The following PTPRN2 variants were observed in gnomAD, a reference collection of about 807,000 sequenced individuals.
PTPRN2 encodes protein tyrosine phosphatase receptor type N2, also known as receptor-type tyrosine-protein phosphatase N2.
A neutral mutation model predicts 118.8 loss-of-function variants in PTPRN2; 74 were observed. That is an observed-to-expected ratio of 0.62 (90% confidence interval 0.52 to 0.76). PTPRN2 has a LOEUF of 0.76. Among genes scored for constraint, PTPRN2 ranks in the 30% least tolerant of loss-of-function variants. The probability of loss-of-function intolerance (pLI) is 0.00; values close to 1 mark genes in which losing one functional copy is unlikely to be tolerated. For synonymous variants in PTPRN2, 641 were observed against 608.0 expected (o/e 1.05, Z -0.80); for missense variants, 1,481 against 1,394.4 (o/e 1.06, Z -0.99).
chr7:158,166,153 C>G (rs1413872029), intron 6 of PTPRN2, among the ~76,000 whole-genome samples: 1 of 148,504 alleles, frequency 6.7e-6, no homozygotes, highest in African/African-American at 2.6e-5. Flanking sequence ...CCATCAGCTT[C>G]AGCAGTAGAA....
intron 11 of PTPRN2, among the ~76,000 whole-genome samples, chr7:157,920,413 A>C (rs1025804848): frequency 1.3e-5 from 2 of 152,198 alleles, no homozygotes; most frequent in Non-Finnish European, 2.9e-5. Context: ...GTTTACAAGG[A>C]CACGCTTGGC....
intron 2 of PTPRN2, among the ~76,000 whole-genome samples, chr7:158,400,654 G>T (rs1035680652): frequency 2.0e-5 from 3 of 152,154 alleles, no homozygotes; most frequent in African/African-American, 7.2e-5. Context: ...CCCTCTTGCA[G>T]GTCCCAAGGC....
chr7:158,493,995 G>A (rs986656273), intron 1 of PTPRN2, among the ~76,000 whole-genome samples: 1 of 152,246 alleles, frequency 6.6e-6, no homozygotes, highest in African/African-American at 2.4e-5. Context: ...ACTCTAAGCA[G>A]TATCTTGTCA....
At position 157,831,700 on chromosome 7, in the gene PTPRN2, G is replaced by A. The variant is rs978443709; in HGVS notation, c.1788+66973C>T. ...CTGAGCTCCCCTCTACTTCGGGCCT[G>A]CGAGAAGCAGGGAAGGTATAGGCTG... On this transcript the variant is annotated intron_variant, in intron 12 of 22. Transcript: ENST00000389418. The surrounding 1 kb of genome is among the most constrained non-coding windows in gnomAD (Gnocchi z 4.8). 6.6e-6 allele frequency among the ~76,000 whole-genome samples: 1 copy of A among 152,200 alleles called. No homozygotes were observed. Among genetic ancestry groups the A allele is most frequent in the Non-Finnish European group, 1.5e-5 (1 of 68,040 alleles).
chr7:157,838,348 C>A (rs531142209), intron 12 of PTPRN2, among the ~76,000 whole-genome samples: 1 of 149,682 alleles, frequency 6.7e-6, no homozygotes, highest in Non-Finnish European at 1.5e-5. Context: ...CAGTTCCTCT[C>A]GTAGTGGATG....
rs1321979661 is a variant in PTPRN2, at chr7:158,336,585, G to C, written c.164-19653C>G. Among the ~76,000 whole-genome samples, 290 of 135,984 alleles carry C rather than the reference G, an allele frequency of 2.1e-3. 6 individuals are homozygous for C. Among genetic ancestry groups the C allele is most frequent in the African/African-American group, 8.3e-3 (265 of 31,908 alleles). The allele number at this position is 135,984 out of a possible 152,430, so 89.2% of individuals were successfully genotyped here. A position where few individuals can be genotyped will look rare whatever the true frequency, so the allele number is the denominator to read the frequency against. Reference sequence around the variant, plus strand: ...CTCACCATAAGAGTTGACACCTGCAGACGTCATTCACACCCACACTCTCAC... The same window carrying C: ...CTCACCATAAGAGTTGACACCTGCACACGTCATTCACACCCACACTCTCAC... On this transcript the variant is annotated intron_variant, in intron 2 of 22. Coordinates refer to ENST00000389418, the MANE Select transcript of PTPRN2 (RefSeq NM_002847.5).
intron 11 of PTPRN2, among the ~76,000 whole-genome samples, chr7:158,071,738 G>A (rs1811818911): frequency 7.0e-6 from 1 of 142,782 alleles, no homozygotes. Flanking sequence ...TCGTGGTGGT[G>A]GAGGTGCTCA....
In PTPRN2 at chr7:158,331,815, C is replaced by G. The variant is rs1362231638; in HGVS notation, c.164-14883G>C. Among the ~76,000 whole-genome samples the G allele has an allele frequency of 4.0e-5, 6 of 149,996 alleles. No individual in the cohort carries two copies. In the East Asian group the frequency reaches 1.2e-3, roughly 29 times the overall value. ...ACATCACTCACACCCACACTGTCAC[C>G]CTAAGAGGTGACACCCGCAGACGAC... On this transcript the variant is annotated intron_variant, in intron 2 of 22. Coordinates refer to ENST00000389418, the MANE Select transcript of PTPRN2 (RefSeq NM_002847.5).
intron 6 of PTPRN2, among the ~76,000 whole-genome samples, chr7:158,146,917 T>A (rs547197947): frequency 6.6e-6 from 1 of 151,726 alleles, no homozygotes; most frequent in South Asian, 2.1e-4. Flanking sequence ...AGAGACTGAA[T>A]GACACCCCAT....
chr7:158,376,927 A>G (rs1223147170), intron 2 of PTPRN2, among the ~76,000 whole-genome samples: 8 of 7,278 alleles, frequency 1.1e-3, no homozygotes, highest in Non-Finnish European at 1.9e-3. Context: ...CACGTCCTGC[A>G]CGCGGGGTCA....
intron 12 of PTPRN2, among the ~76,000 whole-genome samples, chr7:157,840,410 C>CCG (rs1808329156): frequency 7.5e-6 from 1 of 133,988 alleles, no homozygotes; most frequent in Admixed American, 7.7e-5. Context: ...CCGTGTGTGA[C>CCG]TGTGTGACTG....
chr7:158,498,722 A>G (rs901501738), intron 1 of PTPRN2, among the ~76,000 whole-genome samples: 3 of 152,254 alleles, frequency 2.0e-5, no homozygotes, highest in Non-Finnish European at 4.4e-5. Flanking sequence ...ATCTGATGAA[A>G]ATCCTTGAAC....
chr7:157,777,384 C>G (rs752931092), intron 12 of PTPRN2, among the ~76,000 whole-genome samples: 2 of 149,236 alleles, frequency 1.3e-5, no homozygotes, highest in Non-Finnish European at 2.9e-5. Context: ...TTCCTGATGC[C>G]GGAGGACACG....
chr7:157,552,225 G>A (rs997623590), intron 21 of PTPRN2, among the ~76,000 whole-genome samples: 1 of 152,140 alleles, frequency 6.6e-6, no homozygotes, highest in Non-Finnish European at 1.5e-5. Flanking sequence ...ATGGCAAGAC[G>A]TTTGCTGTTT....
rs973243528 is a variant in PTPRN2, at chr7:157,685,057, C to T, written c.1789-2120G>A. Among the ~76,000 whole-genome samples, 20 of 151,758 alleles carry T rather than the reference C, an allele frequency of 1.3e-4. No individual in the cohort carries two copies. The East Asian group carries it at 3.7e-3, about 28-fold the overall frequency. On this transcript the variant is annotated intron_variant, in intron 12 of 22. Transcript: ENST00000389418. ...GGCGGGAGGGCTTTTCCCGGGGGCCCGGCCTGCGCCCCTCGCCGCCCCTCG... is the reference window on the plus strand; with the variant it reads ...GGCGGGAGGGCTTTTCCCGGGGGCCTGGCCTGCGCCCCTCGCCGCCCCTCG...
rs1344348770 is a variant in PTPRN2, at chr7:158,329,007, G to A, written c.164-12075C>T. ...GGTCTTATGATGAGATTGTGGGTGT[G>A]AGTGACATCTGCAAGTCACTATGAG... On this transcript the variant is annotated intron_variant, in intron 2 of 22. Transcript: ENST00000389418. Among the ~76,000 whole-genome samples, 5 of 150,538 alleles carry A rather than the reference G, an allele frequency of 3.3e-5. No homozygotes were observed. The Middle Eastern group carries it at 0.014, about 424-fold the overall frequency.
chr7:157,826,272 C>T (rs1339159310), intron 12 of PTPRN2, among the ~76,000 whole-genome samples: 5 of 66,510 alleles, frequency 7.5e-5, no homozygotes, highest in Non-Finnish European at 1.4e-4. Flanking sequence ...AGCACGAACA[C>T]GATCGTCACA....
intron 2 of PTPRN2, among the ~76,000 whole-genome samples, chr7:158,384,978 G>A (rs1811225194): frequency 6.6e-6 from 1 of 152,092 alleles, no homozygotes; most frequent in Non-Finnish European, 1.5e-5. Context: ...CCCCACAGCA[G>A]GATTTGCTGG....
At chr7:158,220,374 CA>C (rs1240740494) in intron 3 of PTPRN2, among the ~76,000 whole-genome samples, 1 of 152,026 alleles carries the variant, frequency 6.6e-6, no homozygotes, top group Non-Finnish European at 1.5e-5. Context: ...AAGAGGAAGT[CA>C]AATTATCTCT....
Sources: gnomAD v4.1 joint callset for allele counts (sites outside exome capture counted in the v4.1 genomes callset) on GRCh38, gnomAD v4.1.1 for gene constraint, Gnocchi (gnomAD v3.1) non-coding constraint, MANE v1.5 for transcripts, NCBI Gene and HGNC (gene_info 2026-07-23, HGNC 2026-07-21) for gene names.